The following SPART variants were observed in gnomAD, a reference collection of about 807,000 sequenced individuals.
SPART encodes the protein spastic paraplegia 20 (Troyer syndrome).
In SPART, 35 loss-of-function variants were observed where a neutral mutation model predicts 58.7. The observed-to-expected ratio is 0.60, with a 90% confidence interval of 0.46 to 0.79. SPART has a LOEUF of 0.79. SPART is among the 30% of genes least tolerant of loss of function. SPART has a pLI of 0.00. For missense variants in SPART, 730 were observed against 786.1 expected (o/e 0.93, Z 0.85); for synonymous variants, 284 against 280.7 (o/e 1.01, Z -0.12).
intron 1 of SPART, among the ~76,000 whole-genome samples, chr13:36,352,775 G>A (rs1298221053): frequency 7.1e-6 from 1 of 141,096 alleles, no homozygotes; most frequent in Non-Finnish European, 1.5e-5. Flanking sequence ...AACACAGGGA[G>A]ATCCCGTTTC....
intron 8 of SPART, among the ~76,000 whole-genome samples, chr13:36,310,999 T>C (rs1010161979): frequency 6.6e-6 from 1 of 152,128 alleles, no homozygotes; most frequent in Admixed American, 6.5e-5. Context: ...TGTGCTGCCT[T>C]CTCTGTGTGT....
In SPART at chr13:36,330,573, ATAC is replaced by A. The variant is rs1283308563; in HGVS notation, c.1008+823_1008+825del. Among the ~76,000 whole-genome samples the A allele has an allele frequency of 2.6e-5, 4 of 152,162 alleles. No individual in the cohort carries two copies. The East Asian group carries it at 7.7e-4, about 29-fold the overall frequency. ...TGATTGAAGGAGAGAATAAAAGATT[ATAC>A]TATTATAATGCCCACCTCATTCAAC... On this transcript the variant is annotated intron_variant, in intron 3 of 8. Coordinates refer to ENST00000438666, the MANE Select transcript of SPART (RefSeq NM_015087.5).
intron 8 of SPART, among the ~76,000 whole-genome samples, chr13:36,306,226 C>T (rs78617371): frequency 1.3e-5 from 2 of 152,164 alleles, no homozygotes; most frequent in African/African-American, 4.8e-5. Context: ...TGTTATGCAA[C>T]CCCTCAGCAT....
intron 1 of SPART, among the ~76,000 whole-genome samples, chr13:36,365,271 T>A (rs1158249772): frequency 2.0e-5 from 3 of 152,232 alleles, no homozygotes; most frequent in Admixed American, 2.0e-4. Flanking sequence ...TGCAAAGAAT[T>A]AAGTAAAAAC....
chr13:36,346,629 G>A (rs1261552874), upstream of SPART: 1 of 152,296 alleles, frequency 6.6e-6, no homozygotes, highest in Non-Finnish European at 1.5e-5. Flanking sequence ...GGACCCAAGA[G>A]TCACCGTAAC....
At chr13:36,354,338 A>G (rs1236266815) in intron 1 of SPART, among the ~76,000 whole-genome samples, 1 of 152,222 alleles carries the variant, frequency 6.6e-6, no homozygotes, top group East Asian at 1.9e-4. Context: ...CACTGTTCCA[A>G]GAAAGGCCTG....
rs1880177889 is a variant in SPART, at chr13:36,303,391, T to TA, written c.*973dup. 6.6e-6 allele frequency: 1 copy of TA among 152,150 alleles called. No homozygotes were observed. Among genetic ancestry groups the TA allele is most frequent in the African/African-American group, 2.4e-5 (1 of 41,454 alleles). 9.4% of individuals were successfully genotyped at this position (152,150 alleles called of 1,614,324 possible). A position where few individuals can be genotyped will look rare whatever the true frequency, so the allele number is the denominator to read the frequency against. ...CTGCCAAAGTGGAAACCATAATGCCTATCCACCATGGATTACGTCTAAGGT... is the reference window on the plus strand; with the variant it reads ...CTGCCAAAGTGGAAACCATAATGCCTAATCCACCATGGATTACGTCTAAGGT... On this transcript the variant is annotated 3_prime_UTR_variant, in exon 9 of 9. Coordinates refer to ENST00000438666, the MANE Select transcript of SPART (RefSeq NM_015087.5).
chr13:36,361,517 G>A lies in SPART; in HGVS notation c.-3+8572C>T, dbSNP rs563502837. On this transcript the variant is annotated intron_variant, in intron 1 of 8. Coordinates refer to the SPART transcript ENST00000355182. The stretch of plus-strand genomic sequence containing the variant: ...CCTCCTGGGTTCAAGAAATTGTCCC[G>A]CCTCAGCCTCCTGAGTAGCTGGGAT... 3.9e-5 allele frequency among the ~76,000 whole-genome samples: 6 copies of A among 152,018 alleles called. No homozygotes were observed. In the East Asian group the frequency reaches 9.7e-4, roughly 24 times the overall value.
chr13:36,368,495 T>C (rs539503243), intron 1 of SPART: 3 of 159,744 alleles, frequency 1.9e-5, no homozygotes, highest in African/African-American at 7.2e-5. Flanking sequence ...CCTTTCCTAG[T>C]AGATTGCATG....
chr13:36,312,491 A>G lies in SPART; in HGVS notation c.1484-14T>C. ...AAACTCCATCAACTAATATGACCATAAAAAAAGAAAACTTAGGAAAAATAT... is the reference window on the plus strand; with the variant it reads ...AAACTCCATCAACTAATATGACCATGAAAAAAGAAAACTTAGGAAAAATAT... On this transcript the variant is annotated splice_polypyrimidine_tract_variant and intron_variant, in intron 6 of 8. Coordinates refer to ENST00000438666, the MANE Select transcript of SPART (RefSeq NM_015087.5). 6.2e-7 allele frequency: 1 copy of G among 1,612,836 alleles called. No homozygotes were observed. Among genetic ancestry groups the G allele is most frequent in the Non-Finnish European group, 8.5e-7 (1 of 1,179,174 alleles).
At chr13:36,338,451 A>G (rs1364527821) in intron 1 of SPART, among the ~76,000 whole-genome samples, 4 of 152,198 alleles carry the variant, frequency 2.6e-5, no homozygotes, top group Non-Finnish European at 5.9e-5. Flanking sequence ...CTCCAAAGGC[A>G]TAAGAATTGA....
At chr13:36,308,637 GTT>G (rs59878469) in intron 8 of SPART, among the ~76,000 whole-genome samples, 82,168 of 142,578 alleles carry the variant, frequency 0.58, 24,428 homozygotes, top group Non-Finnish European at 0.68. Flanking sequence ...AGTTAGGTAA[GTT>G]TTTTTTTTTT....
chr13:36,358,442 A>AT (rs1340613175), intron 1 of SPART, among the ~76,000 whole-genome samples: 1 of 152,100 alleles, frequency 6.6e-6, no homozygotes, highest in Non-Finnish European at 1.5e-5. Context: ...GAATTTACCT[A>AT]TTTTTTTCTC....
At chr13:36,317,006 C>G (rs1490411622) in intron 5 of SPART, among the ~76,000 whole-genome samples, 1 of 152,200 alleles carries the variant, frequency 6.6e-6, no homozygotes, top group Non-Finnish European at 1.5e-5. Context: ...ACTTCAATCT[C>G]TCCCTTCTCT....
At chr13:36,364,384 A>G (rs1434585330) in intron 1 of SPART, among the ~76,000 whole-genome samples, 2 of 152,170 alleles carry the variant, frequency 1.3e-5, no homozygotes, top group Admixed American at 6.5e-5. Context: ...TTGTGGCCCA[A>G]GTCAGAATTC....
At chr13:36,332,905 C>A (rs1883590743) in intron 2 of SPART, among the ~76,000 whole-genome samples, 1 of 151,974 alleles carries the variant, frequency 6.6e-6, no homozygotes, top group African/African-American at 2.4e-5. Context: ...ATAAAACTGA[C>A]AAGTGGGACA....
At chr13:36,329,920 G>A (rs896253663) in intron 3 of SPART, among the ~76,000 whole-genome samples, 10 of 152,074 alleles carry the variant, frequency 6.6e-5, no homozygotes, top group Non-Finnish European at 1.5e-5. Flanking sequence ...TTATTGGAAG[G>A]TTTATTTTTT....
chr13:36,339,101 A>C (rs568883785), intron 1 of SPART, among the ~76,000 whole-genome samples: 1 of 152,192 alleles, frequency 6.6e-6, no homozygotes, highest in South Asian at 2.1e-4. Context: ...AAAAAAAAAA[A>C]CCCTATCATT....
chr13:36,356,344 A>G (rs937585454), intron 1 of SPART, among the ~76,000 whole-genome samples: 5 of 152,196 alleles, frequency 3.3e-5, no homozygotes, highest in African/African-American at 4.8e-5. Context: ...GAATAGCTGT[A>G]TGTCAGTGTA....
Sources: allele counts gnomAD v4.1 joint callset (sites outside exome capture counted in the v4.1 genomes callset), GRCh38; gene constraint gnomAD v4.1.1; transcripts MANE v1.5; gene names NCBI Gene and HGNC (gene_info 2026-07-23, HGNC 2026-07-21).